The following CNTNAP5 variants were observed in gnomAD, a reference collection of about 807,000 sequenced individuals.
CNTNAP5 encodes the protein contactin-associated protein-like 5.
CNTNAP5 carries 72 observed loss-of-function variants against 150.2 expected under a neutral mutation model. The observed-to-expected ratio is 0.48, with a 90% CI of 0.40 to 0.58. The LOEUF is 0.58. Ranked by LOEUF, CNTNAP5 falls within the 20% of genes least tolerant of loss-of-function variation. CNTNAP5 has a pLI of 0.00. For missense variants in CNTNAP5, 1,636 were observed against 1,626.2 expected, an observed-to-expected ratio of 1.01 and a Z score of -0.10; for synonymous variants, 672 against 619.8, an observed-to-expected ratio of 1.08 and a Z score of -1.25.
intron 21 of CNTNAP5, among the ~76,000 whole-genome samples, chr2:124,902,381 T>G (rs1246389350): frequency 1.3e-5 from 2 of 152,152 alleles, no homozygotes; most frequent in East Asian, 1.9e-4. Context: ...TTAAAATAAT[T>G]TACACAATAA....
At chr2:124,654,118 G>A (rs1678384197) in intron 13 of CNTNAP5, among the ~76,000 whole-genome samples, 1 of 152,152 alleles carries the variant, frequency 6.6e-6, no homozygotes, top group Non-Finnish European at 1.5e-5. Context: ...TGGGGCAGAA[G>A]ATTCCAGGCT....
At chr2:124,245,686 AATATATATAT>A (rs1220477219) in intron 3 of CNTNAP5, among the ~76,000 whole-genome samples, 1 of 149,996 alleles carries the variant, frequency 6.7e-6, no homozygotes. Context: ...TATACACACA[AATATATATAT>A]ACACACAAAT....
intron 5 of CNTNAP5, among the ~76,000 whole-genome samples, chr2:124,446,197 T>C (rs1241889245): frequency 1.3e-5 from 2 of 152,178 alleles, no homozygotes; most frequent in Non-Finnish European, 2.9e-5. Context: ...ATTTGTCCAA[T>C]GGAGATGATA....
At chr2:124,710,408 T>C (rs1172671103) in intron 13 of CNTNAP5, among the ~76,000 whole-genome samples, 1 of 152,130 alleles carries the variant, frequency 6.6e-6, no homozygotes, top group African/African-American at 2.4e-5. Context: ...TCTCAGATGC[T>C]TTTGTACGCA....
At chr2:124,361,097 G>A (rs1250049680) in intron 3 of CNTNAP5, among the ~76,000 whole-genome samples, 16 of 144,444 alleles carry the variant, frequency 1.1e-4, no homozygotes, top group Non-Finnish European at 1.4e-4. Flanking sequence ...CCAGTTGATC[G>A]CATCGGCTCC....
chr2:124,136,440 C>T (rs1417019456), intron 1 of CNTNAP5, among the ~76,000 whole-genome samples: 1 of 152,204 alleles, frequency 6.6e-6, no homozygotes, highest in African/African-American at 2.4e-5. Flanking sequence ...ACCTACTCAA[C>T]ATCAAAGCTT....
intron 12 of CNTNAP5, among the ~76,000 whole-genome samples, chr2:124,630,917 C>T (rs1456155686): frequency 1.3e-5 from 2 of 152,006 alleles, no homozygotes; most frequent in East Asian, 1.9e-4. Context: ...ACAAGCATTC[C>T]TATACACCAA....
At chr2:124,628,047 C>T (rs973046043) in intron 12 of CNTNAP5, among the ~76,000 whole-genome samples, 1 of 152,144 alleles carries the variant, frequency 6.6e-6, no homozygotes, top group Non-Finnish European at 1.5e-5. Context: ...ACAAAGCCTC[C>T]AAGAATTATG....
chr2:124,429,159 C>T (rs1692310341), intron 4 of CNTNAP5, among the ~76,000 whole-genome samples: 1 of 152,150 alleles, frequency 6.6e-6, no homozygotes, highest in Admixed American at 6.5e-5. Context: ...CAACCTATAA[C>T]CATGTGGGTC....
chr2:124,483,123 C>G (rs1693797726), intron 7 of CNTNAP5, among the ~76,000 whole-genome samples: 1 of 152,218 alleles, frequency 6.6e-6, no homozygotes. Flanking sequence ...CAGCCCCAAA[C>G]TAACCATTCT....
At chr2:124,113,504 A>ATG (rs199692680) in intron 1 of CNTNAP5, among the ~76,000 whole-genome samples, 1,895 of 115,348 alleles carry the variant, frequency 0.016, 36 homozygotes, top group African/African-American at 0.056. Flanking sequence ...TGATACATAT[A>ATG]TATGTGTGTG....
chr2:124,900,985 TC>T (rs1473941421), intron 21 of CNTNAP5, among the ~76,000 whole-genome samples: 1 of 151,672 alleles, frequency 6.6e-6, no homozygotes, highest in Non-Finnish European at 1.5e-5. Flanking sequence ...TGGGACACAG[TC>T]TTTTAATGCT....
At chr2:124,882,262 G>A (rs1276650726) in intron 21 of CNTNAP5, among the ~76,000 whole-genome samples, 1 of 152,082 alleles carries the variant, frequency 6.6e-6, no homozygotes, top group Non-Finnish European at 1.5e-5. Flanking sequence ...GAGCGAGAAT[G>A]AACCACTCAG....
In CNTNAP5 at chr2:124,477,749, A is replaced by G. The variant is rs1264047339; in HGVS notation, c.1062+2867A>G. Among the ~76,000 whole-genome samples the G allele has an allele frequency of 4.6e-5, 7 of 151,682 alleles. No homozygotes were observed. The East Asian group carries it at 1.2e-3, about 25-fold the overall frequency. ...CCCTTTCCCAATAATGTTTCAAGAA[A>G]TATTTCATAATATATCAGTTTCCTT... On this transcript the variant is annotated intron_variant, in intron 7 of 23. Transcript: ENST00000682447.
chr2:124,231,443 G>C (rs1276106163), intron 2 of CNTNAP5, among the ~76,000 whole-genome samples: 1 of 151,998 alleles, frequency 6.6e-6, no homozygotes, highest in East Asian at 1.9e-4. Flanking sequence ...TTTGAATCTA[G>C]GTCTGTCTAC....
intron 14 of CNTNAP5, among the ~76,000 whole-genome samples, chr2:124,750,271 C>G (rs1329848038): frequency 6.6e-6 from 1 of 152,134 alleles, no homozygotes; most frequent in Non-Finnish European, 1.5e-5. Flanking sequence ...TGAACTTCCC[C>G]TCTTAAGGAT....
At chr2:124,883,583 T>C (rs1351098406) in intron 21 of CNTNAP5, among the ~76,000 whole-genome samples, 1 of 152,096 alleles carries the variant, frequency 6.6e-6, no homozygotes, top group Non-Finnish European at 1.5e-5. Flanking sequence ...TATAGCAATG[T>C]TTTTTTGTGT....
intron 3 of CNTNAP5, among the ~76,000 whole-genome samples, chr2:124,274,054 G>A (rs1415098903): frequency 6.6e-6 from 1 of 152,110 alleles, no homozygotes; most frequent in Non-Finnish European, 1.5e-5. Flanking sequence ...CATCAACTTA[G>A]CAATATATTT....
chr2:124,641,277 G>A (rs1415966262), intron 12 of CNTNAP5, among the ~76,000 whole-genome samples: 1 of 152,076 alleles, frequency 6.6e-6, no homozygotes, highest in African/African-American at 2.4e-5. Flanking sequence ...AGGAGACTGA[G>A]GCTGGGGGAG....
Sources: allele counts gnomAD v4.1 joint callset (sites outside exome capture counted in the v4.1 genomes callset), GRCh38; gene constraint gnomAD v4.1.1; transcripts MANE v1.5; gene names NCBI Gene and HGNC (gene_info 2026-07-23, HGNC 2026-07-21).